TENM4: variants seen among roughly 807,000 people sequenced by gnomAD.
TENM4 encodes the protein teneurin transmembrane protein 4, also known as teneurin-4.
A neutral mutation model predicts 243.3 loss-of-function variants in TENM4; 82 were observed. The ratio of observed to expected loss-of-function variants is 0.34; its 90% CI spans 0.28 to 0.40. The LOEUF (loss-of-function observed/expected upper bound fraction) is 0.40. TENM4 is among the 10% of genes least tolerant of loss of function. The pLI is 1.00. For synonymous variants in TENM4, 1,412 were observed against 1,456.3 expected (o/e 0.97, Z 0.69); for missense variants, 3,138 against 3,673.3 (o/e 0.85, Z 3.77).
chr11:79,149,955 C>T (rs1053643827), intron 3 of TENM4, among the ~76,000 whole-genome samples: 3 of 152,158 alleles, frequency 2.0e-5, no homozygotes, highest in Admixed American at 1.3e-4. Context: ...AGTTTCTAAA[C>T]AATGACCACG....
At chr11:79,373,189 C>CATGG in intron 1 of TENM4, among the ~76,000 whole-genome samples, 1 of 152,228 alleles carries the variant, frequency 6.6e-6, no homozygotes, top group South Asian at 2.1e-4. Context: ...TAGATGCATG[C>CATGG]ATGGATGGAT....
intron 1 of TENM4, among the ~76,000 whole-genome samples, chr11:79,372,875 T>C (rs1857814666): frequency 6.6e-6 from 1 of 152,074 alleles, no homozygotes; most frequent in Non-Finnish European, 1.5e-5. Context: ...ATAGCTGACT[T>C]GGACAAGGTG....
At chr11:79,311,949 G>A (rs537713886) in intron 1 of TENM4, among the ~76,000 whole-genome samples, 1 of 152,060 alleles carries the variant, frequency 6.6e-6, no homozygotes, top group Non-Finnish European at 1.5e-5. Context: ...TTTGCTTCAG[G>A]GTCCTGAATG....
At chr11:79,117,642 C>T (rs1243502192) in intron 4 of TENM4, among the ~76,000 whole-genome samples, 1 of 152,194 alleles carries the variant, frequency 6.6e-6, no homozygotes, top group South Asian at 2.1e-4. Context: ...TAGCTCCTGG[C>T]ACATTCTCCC....
intron 6 of TENM4, among the ~76,000 whole-genome samples, chr11:78,984,398 C>T (rs1179106737): frequency 2.0e-5 from 3 of 152,158 alleles, no homozygotes; most frequent in African/African-American, 4.8e-5. Flanking sequence ...GTTTCCCCTC[C>T]GAGGTGTCAG....
intron 16 of TENM4, among the ~76,000 whole-genome samples, chr11:78,782,688 C>G (rs1222451335): frequency 6.6e-6 from 1 of 151,990 alleles, no homozygotes; most frequent in Admixed American, 6.6e-5. Flanking sequence ...ATTGCTTGAA[C>G]CTGGGAGGCG....
chr11:79,138,565 A>T (rs1201434656), intron 4 of TENM4, among the ~76,000 whole-genome samples: 2 of 30,252 alleles, frequency 6.6e-5, no homozygotes, highest in African/African-American at 1.6e-4. Context: ...ATAAATACAT[A>T]AAACATATAT....
At chr11:78,920,871 G>C (rs1288902945) in intron 6 of TENM4, among the ~76,000 whole-genome samples, 1 of 152,332 alleles carries the variant, frequency 6.6e-6, no homozygotes, top group East Asian at 1.9e-4. Context: ...CAACCAAAGA[G>C]TGCATTTTTG....
At chr11:79,439,883 C>G (rs1336277458) in intron 1 of TENM4, among the ~76,000 whole-genome samples, 3 of 152,174 alleles carry the variant, frequency 2.0e-5, no homozygotes, top group Non-Finnish European at 4.4e-5. Context: ...CGGCTGCAGC[C>G]TCAGTTGGCT....
At chr11:79,095,178 C>G (rs1396895295) in intron 4 of TENM4, among the ~76,000 whole-genome samples, 1 of 152,190 alleles carries the variant, frequency 6.6e-6, no homozygotes, top group Non-Finnish European at 1.5e-5. Flanking sequence ...ACAGAAATAG[C>G]CCTAGAGCCA....
intron 1 of TENM4, among the ~76,000 whole-genome samples, chr11:79,392,249 G>GAGAA (rs748243972): frequency 1.2e-4 from 18 of 152,178 alleles, no homozygotes; most frequent in Non-Finnish European, 2.2e-4. Context: ...TTGCTCACAG[G>GAGAA]GAAGTTCTGG....
At chr11:78,742,161 G>A (rs1010162479) in intron 19 of TENM4, among the ~76,000 whole-genome samples, 2 of 152,192 alleles carry the variant, frequency 1.3e-5, no homozygotes, top group East Asian at 3.9e-4. Context: ...ACATGTTTAC[G>A]TGTGAGCCAG....
intron 1 of TENM4, among the ~76,000 whole-genome samples, chr11:79,302,974 G>C (rs1376888383): frequency 6.6e-6 from 1 of 152,162 alleles, no homozygotes; most frequent in East Asian, 1.9e-4. Flanking sequence ...GATATTTGCT[G>C]GGGCCTATTA....
intron 6 of TENM4, among the ~76,000 whole-genome samples, chr11:79,031,249 C>T (rs978630078): frequency 1.3e-5 from 2 of 152,152 alleles, no homozygotes; most frequent in African/African-American, 4.8e-5. Flanking sequence ...TGACAAAATG[C>T]CTACATACAG....
intron 6 of TENM4, among the ~76,000 whole-genome samples, chr11:79,015,961 T>C (rs2136776467): frequency 6.6e-6 from 1 of 152,142 alleles, no homozygotes; most frequent in East Asian, 1.9e-4. Flanking sequence ...GGAAGAGCAT[T>C]CCAGGAAGGG....
At chr11:78,728,735 G>A (rs563147312) in intron 22 of TENM4, among the ~76,000 whole-genome samples, 6 of 152,138 alleles carry the variant, frequency 3.9e-5, no homozygotes, top group Admixed American at 1.3e-4. Flanking sequence ...GATCAACTCC[G>A]CAGGGTTAGG....
intron 2 of TENM4, among the ~76,000 whole-genome samples, chr11:79,293,364 A>C (rs1856388417): frequency 6.6e-6 from 1 of 152,020 alleles, no homozygotes; most frequent in South Asian, 2.1e-4. Context: ...ACAATTAGCC[A>C]GGCATGGTGG....
At position 78,753,191 on chromosome 11, in the gene TENM4, A is replaced by G. The variant is rs558335180; in HGVS notation, c.2756+3614T>C. On this transcript the variant is annotated intron_variant, in intron 19 of 33. Coordinates refer to ENST00000278550, the MANE Select transcript of TENM4 (RefSeq NM_001098816.3). ...TCACTATGATATGCGGCTGCTACAA[A>G]AGCCACCATTTACTGATCACCTAAT... Among the ~76,000 whole-genome samples the G allele has an allele frequency of 2.6e-5, 4 of 152,220 alleles. No homozygotes were observed. In the South Asian group the frequency reaches 8.3e-4, roughly 31 times the overall value.
chr11:79,397,117 A>T (rs1485260168), intron 1 of TENM4, among the ~76,000 whole-genome samples: 2 of 152,156 alleles, frequency 1.3e-5, no homozygotes, highest in African/African-American at 4.8e-5. Context: ...AGGGCAGAAC[A>T]CTCAAAGGGA....
Sources: gnomAD v4.1 joint callset for allele counts (sites outside exome capture counted in the v4.1 genomes callset) on GRCh38, gnomAD v4.1.1 for gene constraint, MANE v1.5 for transcripts, NCBI Gene and HGNC (gene_info 2026-07-23, HGNC 2026-07-21) for gene names.